The following COL22A1 variants were observed in gnomAD, a reference collection of about 807,000 sequenced individuals.
COL22A1 encodes collagen alpha-1(XXII) chain.
COL22A1 carries 221 observed loss-of-function variants against 248.9 expected under a neutral mutation model. The ratio of observed to expected loss-of-function variants is 0.89; its 90% CI spans 0.80 to 0.99. COL22A1 has a LOEUF of 0.99. Among genes scored for constraint, COL22A1 ranks in the 50% least tolerant of loss-of-function variants. The pLI is 0.00. For missense variants in COL22A1, 2,240 were observed against 2,179.0 expected (o/e 1.03, Z -0.56); for synonymous variants, 891 against 793.4 (o/e 1.12, Z -2.07).
chr8:138,717,747 G>C (rs978952299), intron 27 of COL22A1, among the ~76,000 whole-genome samples: 11 of 152,216 alleles, frequency 7.2e-5, no homozygotes, highest in Non-Finnish European at 1.3e-4. Context: ...GGGGAACACA[G>C]GGCCAGAGGG....
At chr8:138,839,832 A>T (rs1246353153) in intron 4 of COL22A1, among the ~76,000 whole-genome samples, 1 of 152,200 alleles carries the variant, frequency 6.6e-6, no homozygotes, top group East Asian at 1.9e-4. Context: ...AAGTTGCCTA[A>T]CGCTTTTATT....
chr8:138,769,883 T>C (rs929133609), intron 16 of COL22A1, among the ~76,000 whole-genome samples: 1 of 152,148 alleles, frequency 6.6e-6, no homozygotes, highest in African/African-American at 2.4e-5. Context: ...GCAGGGTGGA[T>C]TGTGGCTTCA....
At chr8:138,901,935 G>A (rs954903780) in intron 1 of COL22A1, among the ~76,000 whole-genome samples, 2 of 152,110 alleles carry the variant, frequency 1.3e-5, no homozygotes, top group Non-Finnish European at 2.9e-5. Context: ...TGCTCCCCGA[G>A]ACATGGTAAG....
chr8:138,913,504 C>T (rs916841737), intron 1 of COL22A1, 115 bp downstream of exon 1: 7 of 152,434 alleles, frequency 4.6e-5, no homozygotes, highest in Non-Finnish European at 1.0e-4. Context: ...GAGAACATCT[C>T]CCCAGCCCGC....
intron 7 of COL22A1, among the ~76,000 whole-genome samples, chr8:138,817,884 C>A (rs1243631812): frequency 2.0e-5 from 3 of 152,162 alleles, no homozygotes; most frequent in Non-Finnish European, 4.4e-5. Flanking sequence ...GAGGAAACAG[C>A]ACCAGAGAGG....
chr8:138,598,688 C>T, intron 61 of COL22A1, 31 bp downstream of exon 61: 1 of 1,591,690 alleles, frequency 6.3e-7, no homozygotes, highest in Non-Finnish European at 8.5e-7. Flanking sequence ...CCCGAGGAGC[C>T]CCGAGTCCAA....
intron 23 of COL22A1, among the ~76,000 whole-genome samples, chr8:138,726,317 C>A (rs1204591244): frequency 1.3e-5 from 2 of 151,740 alleles, no homozygotes; most frequent in Non-Finnish European, 2.9e-5. Flanking sequence ...AATAGCAAGA[C>A]CCTATCTCCC....
chr8:138,822,198 C>T (rs907449233), intron 6 of COL22A1, among the ~76,000 whole-genome samples: 2 of 152,070 alleles, frequency 1.3e-5, no homozygotes, highest in Admixed American at 1.3e-4. Flanking sequence ...TACAGGTGTG[C>T]ACCACCACAC....
chr8:138,619,466 G>A lies in COL22A1; in HGVS notation c.3814C>T (p.Arg1272Ter), dbSNP rs371955680. ...EPGLPGPEGARGPPGFKGHTG... is the reference protein window; with the variant it reads ...EPGLPGPEGA ...CACTACACACTTACAGGTGGGCCTCGGGCACCCTCTGGTCCTGGTAGACCT... is the reference window on the plus strand; with the variant it reads ...CACTACACACTTACAGGTGGGCCTCAGGCACCCTCTGGTCCTGGTAGACCT... Residue 1272 changes from arginine to a stop codon, truncating the protein, a stop_gained, in exon 53 of 65, where the codon CGA (arginine) becomes TGA (stop). Transcript: ENST00000303045. LOFTEE classifies it high-confidence loss of function. 12 of 1,613,932 alleles carry A rather than the reference G, an allele frequency of 7.4e-6. No homozygotes were observed. The East Asian group carries it at 1.6e-4, about 21-fold the overall frequency.
intron 10 of COL22A1, among the ~76,000 whole-genome samples, chr8:138,805,745 GGTGTGTGTGTGTGT>G (rs1817533411): frequency 7.0e-6 from 1 of 142,404 alleles, no homozygotes; most frequent in South Asian, 2.3e-4. Flanking sequence ...TATATGTGAT[GGTGTGTGTGTGTGT>G]AATGGTATGT....
intron 49 of COL22A1, among the ~76,000 whole-genome samples, chr8:138,632,654 A>G (rs1820824864): frequency 6.6e-6 from 1 of 152,168 alleles, no homozygotes; most frequent in African/African-American, 2.4e-5. Flanking sequence ...GATCTCAAGG[A>G]AATTTGATAT....
chr8:138,889,635 G>A (rs567589151), intron 1 of COL22A1, among the ~76,000 whole-genome samples: 1 of 152,256 alleles, frequency 6.6e-6, no homozygotes, highest in East Asian at 1.9e-4. Context: ...AGTGGGTGCA[G>A]CACACCAGCA....
At chr8:138,801,812 G>A (rs370394154) in intron 11 of COL22A1, among the ~76,000 whole-genome samples, 6 of 152,036 alleles carry the variant, frequency 3.9e-5, no homozygotes, top group Non-Finnish European at 7.4e-5. Context: ...CTTGGGAGGC[G>A]GAGGTTGCAG....
intron 44 of COL22A1, among the ~76,000 whole-genome samples, chr8:138,657,949 A>G (rs868776681): frequency 3.4e-5 from 5 of 147,766 alleles, no homozygotes; most frequent in Admixed American, 6.6e-5. Flanking sequence ...ACTTGAACAC[A>G]CATTTTTTAC....
Position 138,821,264 on chromosome 8 carries a change from C to T in COL22A1, c.1117G>A (p.Ala373Thr). The change falls in exon 7 of 65, where the codon GCC (alanine) becomes ACC (threonine). Residue 373 changes from alanine (A) to threonine (T), a missense_variant. Physicochemically the swap from Ala to Thr is moderately conservative, Grantham distance 58. Coordinates refer to ENST00000303045, the MANE Select transcript of COL22A1 (RefSeq NM_152888.3). ...TCAATGTGCAGGGAGACGTTCTGGG[C>T]CTGGATGCTCAGGGCCATCTTGTGC... is the stretch of plus-strand genomic sequence containing the variant. ...DWHKMALSIQ[A>T]QNVSLHIDCA... 6.2e-7 allele frequency: 1 copy of T among 1,614,180 alleles called. No individual in the cohort carries two copies. The highest frequency in any genetic ancestry group is 1.3e-5 in the African/African-American group (1 of 75,038).
intron 1 of COL22A1, among the ~76,000 whole-genome samples, chr8:138,909,864 A>G (rs1490550868): frequency 6.6e-6 from 1 of 152,200 alleles, no homozygotes; most frequent in Non-Finnish European, 1.5e-5. Flanking sequence ...GAGTGCTTCT[A>G]ATAACCAATA....
At chr8:138,795,205 T>C (rs1816401329) in intron 12 of COL22A1, among the ~76,000 whole-genome samples, 1 of 152,040 alleles carries the variant, frequency 6.6e-6, no homozygotes, top group Non-Finnish European at 1.5e-5. Context: ...GATTTTTAGG[T>C]CGGGAGATGG....
At chr8:138,755,924 A>C in intron 18 of COL22A1, 95 bp from the exon 19 acceptor site, 10 of 983,122 alleles carry the variant, frequency 1.0e-5, no homozygotes, top group Non-Finnish European at 1.6e-5. Flanking sequence ...GGCCCAGGGG[A>C]CCACACCCCT....
At chr8:138,692,463 ATGTGTGTGTGTGTGTGTG>A (rs145298366) in intron 35 of COL22A1, among the ~76,000 whole-genome samples, 2,943 of 136,108 alleles carry the variant, frequency 0.022, 50 homozygotes, top group Middle Eastern at 0.029. Context: ...GTGTGAGTGC[ATGTGTGTGTGTGTGTGTG>A]TGTGTGTGTG....
Sources: gnomAD v4.1 joint callset for allele counts (sites outside exome capture counted in the v4.1 genomes callset) on GRCh38, gnomAD v4.1.1 for gene constraint, MANE v1.5 for transcripts, NCBI Gene and HGNC (gene_info 2026-07-23, HGNC 2026-07-21) for gene names.